Variants in RLF observed in about 807,000 individuals in gnomAD.
RLF encodes zinc finger protein Rlf.
A neutral mutation model predicts 162.9 loss-of-function variants in RLF; 7 were observed. The ratio of observed to expected loss-of-function variants is 0.04; its 90% CI spans 0.02 to 0.08. The LOEUF (loss-of-function observed/expected upper bound fraction) is 0.08. RLF is among the 10% of genes least tolerant of loss of function. The probability of loss-of-function intolerance (pLI) is 1.00; values close to 1 mark genes in which losing one functional copy is unlikely to be tolerated. For missense variants in RLF, 1,664 were observed against 2,244.7 expected (o/e 0.74, Z 5.23); for synonymous variants, 782 against 791.5 (o/e 0.99, Z 0.20).
intron 6 of RLF, among the ~76,000 whole-genome samples, chr1:40,226,280 A>C (rs1043659155): frequency 5.9e-5 from 9 of 152,222 alleles, no homozygotes; most frequent in African/African-American, 2.2e-4. Context: ...GATGCCTCTC[A>C]GTGGTAACGT....
At position 40,238,587 on chromosome 1, in the gene RLF, T is replaced by C. The variant is rs2124563510; in HGVS notation, c.3885T>C (p.Ala1295=). The C allele has an allele frequency of 6.2e-7, 1 of 1,613,790 alleles. No homozygotes were observed. The highest frequency in any genetic ancestry group is 8.5e-7 in the Non-Finnish European group (1 of 1,180,008). ...GCAGAGGTAGCAGGCGAACTGTTGC[T>C]AAAGGAAATCTGTGTTATATTTTGA... ...REGRGSRRTV[A]KGNLCYILNK... is the part of the protein sequence containing the mutation. The change falls in exon 8 of 8, where the codon GCT becomes GCC. Residue 1295 remains alanine (A), a synonymous_variant. Transcript: ENST00000372771. The surrounding 1 kb of genome is among the most constrained non-coding windows in gnomAD (Gnocchi z 5.2).
At chr1:40,179,185 G>C (rs547930332) in intron 1 of RLF, among the ~76,000 whole-genome samples, 77 of 152,292 alleles carry the variant, frequency 5.1e-4, no homozygotes, top group African/African-American at 1.4e-3. Flanking sequence ...GTACAAAATG[G>C]GTAGTCAATT....
chr1:40,167,497 G>A (rs545006771), intron 1 of RLF, among the ~76,000 whole-genome samples: 3 of 152,230 alleles, frequency 2.0e-5, no homozygotes, highest in Non-Finnish European at 2.9e-5. Context: ...CTCTTACTGT[G>A]TACTGTGACC....
rs1643248584 is a variant in RLF at position 40,238,591 on chromosome 1, G to A, written c.3889G>A (p.Gly1297Arg). The change falls in exon 8 of 8, where the codon GGA becomes AGA. Residue 1297 changes from glycine to arginine, a missense_variant. This residue lies in a region of RLF where 33 missense variants were observed against 73.3 expected (regional missense o/e 0.45). Coordinates refer to ENST00000372771, the MANE Select transcript of RLF (RefSeq NM_012421.4). The surrounding 1 kb of genome is among the most constrained non-coding windows in gnomAD (Gnocchi z 5.2). ...GRGSRRTVAKGNLCYILNKYH... is the reference protein window; with the variant it reads ...GRGSRRTVAKRNLCYILNKYH... ...AGGTAGCAGGCGAACTGTTGCTAAA[G>A]GAAATCTGTGTTATATTTTGAATAA... 1 of 1,613,596 alleles carries A rather than the reference G, an allele frequency of 6.2e-7. No individual in the cohort carries two copies.
At chr1:40,212,659 C>A (rs899202791) in intron 5 of RLF, among the ~76,000 whole-genome samples, 3 of 152,154 alleles carry the variant, frequency 2.0e-5, no homozygotes, top group African/African-American at 7.2e-5. Context: ...TTCTTAATCC[C>A]TGAATGAACT....
At position 40,219,442 on chromosome 1, in the gene RLF, C is replaced by G. The variant is rs138680238; in HGVS notation, c.811-3132C>G. Among the ~76,000 whole-genome samples, 119 of 152,206 alleles carry G rather than the reference C, an allele frequency of 7.8e-4. 1 individual carries two copies. Among genetic ancestry groups the G allele is most frequent in the African/African-American group, 2.4e-3 (101 of 41,522 alleles). ...AACAGATAACAGATATGAAAAAACTCTGGCTTCAGTTTTTCTCATTTGTAA... is the reference window on the plus strand; with the variant it reads ...AACAGATAACAGATATGAAAAAACTGTGGCTTCAGTTTTTCTCATTTGTAA... On this transcript the variant is annotated intron_variant, in intron 5 of 7. Transcript: ENST00000372771.
At chr1:40,176,680 C>T (rs775819313) in intron 1 of RLF, among the ~76,000 whole-genome samples, 2 of 152,122 alleles carry the variant, frequency 1.3e-5, no homozygotes, top group Non-Finnish European at 2.9e-5. Context: ...TGGTCTCAAA[C>T]GATCCTCCCG....
chr1:40,168,509 C>T (rs1642196380), intron 1 of RLF, among the ~76,000 whole-genome samples: 1 of 152,054 alleles, frequency 6.6e-6, no homozygotes, highest in Non-Finnish European at 1.5e-5. Context: ...TCCCAAAGTG[C>T]TGGGATTACA....
At chr1:40,184,953 G>T (rs976495786) in intron 1 of RLF, among the ~76,000 whole-genome samples, 1 of 152,050 alleles carries the variant, frequency 6.6e-6, no homozygotes, top group Non-Finnish European at 1.5e-5. Context: ...ATAAGAGACC[G>T]TGGCTGGGTA....
In RLF at chr1:40,236,824, G is replaced by C. The variant is rs140973473; in HGVS notation, c.2122G>C (p.Asp708His). ...TGATGAAAATGCCAAGCACTACTTG[G>C]ATATGAAAAATAGAAGAGAGAAGTG... ...NNDENAKHYL[D>H]MKNRREKCTY... The change falls in exon 8 of 8, where the codon GAT becomes CAT. Residue 708 changes from aspartate (D) to histidine (H), a missense_variant. By Grantham distance (81) the Asp-to-His change is moderately conservative. Transcript: ENST00000372771. This position sits in a 1 kb window ranked among gnomAD's most constrained non-coding sequence, Gnocchi z 7.7. 6.2e-7 allele frequency: 1 copy of C among 1,614,106 alleles called. No individual in the cohort carries two copies. Among genetic ancestry groups the C allele is most frequent in the Admixed American group, 1.7e-5 (1 of 60,014 alleles).
intron 1 of RLF, among the ~76,000 whole-genome samples, chr1:40,183,667 C>G (rs956594065): frequency 6.6e-6 from 1 of 151,994 alleles, no homozygotes; most frequent in Admixed American, 6.6e-5. Context: ...CCAGATGGCT[C>G]TAGTTCAAAT....
At chr1:40,226,934 A>G (rs1040462891) in intron 6 of RLF, among the ~76,000 whole-genome samples, 1 of 152,138 alleles carries the variant, frequency 6.6e-6, no homozygotes, top group African/African-American at 2.4e-5. Flanking sequence ...GTGCAGTCTC[A>G]GCTCACTGCA....
chr1:40,233,794 TAC>T (rs1643183586), intron 7 of RLF, among the ~76,000 whole-genome samples: 1 of 152,214 alleles, frequency 6.6e-6, no homozygotes, highest in Non-Finnish European at 1.5e-5. Context: ...CACAGTCAGT[TAC>T]AGACTGAACT....
chr1:40,196,240 G>C (rs1476525245), intron 4 of RLF, among the ~76,000 whole-genome samples: 4 of 151,442 alleles, frequency 2.6e-5, no homozygotes, highest in Non-Finnish European at 5.9e-5. Context: ...GCCTGGCTAA[G>C]TTTTGTATTT....
intron 7 of RLF, among the ~76,000 whole-genome samples, chr1:40,233,755 A>G (rs1643183108): frequency 6.6e-6 from 1 of 152,180 alleles, no homozygotes; most frequent in Admixed American, 6.5e-5. Context: ...GCTCGTCTGA[A>G]AGGTAGGGAG....
chr1:40,189,084 T>C lies in RLF; in HGVS notation c.267T>C (p.Asn89=). The C allele has an allele frequency of 1.2e-6, 2 of 1,608,034 alleles. No individual in the cohort carries two copies. Among genetic ancestry groups the C allele is most frequent in the Non-Finnish European group, 1.7e-6 (2 of 1,176,198 alleles). ...QTLLQYASNK[N]ASEHIVYLLE... The stretch of plus-strand genomic sequence containing the variant: ...TATTGCAATATGCAAGCAACAAGAA[T>C]GCATCAGAACATATTGTGTATCTTC... The change falls in exon 2 of 8, where the codon AAT becomes AAC. Residue 89 remains asparagine (N), a synonymous_variant. Coordinates refer to ENST00000372771, the MANE Select transcript of RLF (RefSeq NM_012421.4).
intron 5 of RLF, 115 bp downstream of exon 5, chr1:40,202,729 C>G: frequency 1.7e-6 from 1 of 603,150 alleles, no homozygotes; most frequent in Non-Finnish European, 2.7e-6. Context: ...TTTTTTCAGG[C>G]TACCAAAATG....
intron 5 of RLF, among the ~76,000 whole-genome samples, chr1:40,218,570 T>TA (rs1642955288): frequency 6.6e-6 from 1 of 152,224 alleles, no homozygotes; most frequent in African/African-American, 2.4e-5. Context: ...ACTCTCACGT[T>TA]AATTAGTTTG....
At chr1:40,185,491 G>A (rs1181781489) in intron 1 of RLF, among the ~76,000 whole-genome samples, 4 of 90,118 alleles carry the variant, frequency 4.4e-5, no homozygotes, top group East Asian at 3.9e-4. Context: ...TTGGATGGCT[G>A]TAATCCTTTC....
Sources: allele counts gnomAD v4.1 joint callset (sites outside exome capture counted in the v4.1 genomes callset), GRCh38; gene constraint gnomAD v4.1.1; regional missense constraint gnomAD v4.1.1; non-coding constraint Gnocchi (gnomAD v3.1); transcripts MANE v1.5; gene names NCBI Gene and HGNC (gene_info 2026-07-23, HGNC 2026-07-21).